Variants in MPZL1 observed in about 807,000 individuals in gnomAD.
MPZL1 encodes the protein myelin protein zero-like protein 1.
A neutral mutation model predicts 29.3 loss-of-function variants in MPZL1; 16 were observed. The ratio of observed to expected loss-of-function variants is 0.55; its 90% CI spans 0.37 to 0.83. The LOEUF is 0.83. Ranked by LOEUF, MPZL1 falls within the 40% of genes least tolerant of loss-of-function variation. The pLI is 0.00. For missense variants in MPZL1, 279 were observed against 332.9 expected (o/e 0.84, Z 1.26); for synonymous variants, 143 against 132.0 (o/e 1.08, Z -0.57).
intron 1 of MPZL1, among the ~76,000 whole-genome samples, chr1:167,753,223 T>C (rs1160920684): frequency 6.6e-6 from 1 of 152,130 alleles, no homozygotes; most frequent in African/African-American, 2.4e-5. Context: ...AGTATAGCCC[T>C]GAGGTAAGCT....
At chr1:167,731,895 G>GT (rs897055767) in intron 1 of MPZL1, among the ~76,000 whole-genome samples, 2 of 152,216 alleles carry the variant, frequency 1.3e-5, no homozygotes, top group African/African-American at 2.4e-5. Context: ...TAGGTCCACA[G>GT]TTTTTTTATC....
At chr1:167,783,540 T>C (rs1188458851) in intron 5 of MPZL1, among the ~76,000 whole-genome samples, 1 of 152,190 alleles carries the variant, frequency 6.6e-6, no homozygotes, top group African/African-American at 2.4e-5. Context: ...GTGCATAGCA[T>C]AGACAGGGTA....
intron 1 of MPZL1, among the ~76,000 whole-genome samples, chr1:167,739,266 CATATATACATATATACATATAT>C (rs1328708844): frequency 1.0e-5 from 1 of 97,176 alleles, no homozygotes; most frequent in Non-Finnish European, 1.9e-5. Context: ...CATACACATA[CATATATACATATATACATATAT>C]ATATATATAT....
intron 1 of MPZL1, among the ~76,000 whole-genome samples, chr1:167,739,274 CATATATACAT>C (rs1160856160): frequency 7.2e-5 from 6 of 83,286 alleles, no homozygotes; most frequent in Admixed American, 2.4e-4. Context: ...TACATATATA[CATATATACAT>C]ATATATATAT....
chr1:167,722,283 G>T, intron 1 of MPZL1, 41 bp downstream of exon 1: 2 of 1,233,546 alleles, frequency 1.6e-6, no homozygotes. Flanking sequence ...GGGGAGTGGG[G>T]CCCCCGGGCC....
intron 1 of MPZL1, among the ~76,000 whole-genome samples, chr1:167,732,615 G>A (rs1233486797): frequency 6.6e-6 from 1 of 152,008 alleles, no homozygotes; most frequent in Non-Finnish European, 1.5e-5. Context: ...CCAAACCCCA[G>A]CTCTTTTTAG....
At chr1:167,756,303 T>C (rs1660867285) in intron 1 of MPZL1, among the ~76,000 whole-genome samples, 1 of 152,074 alleles carries the variant, frequency 6.6e-6, no homozygotes. Context: ...TTTGAGCCAC[T>C]ATGCCCAGCT....
intron 1 of MPZL1, among the ~76,000 whole-genome samples, chr1:167,753,787 G>A (rs551021891): frequency 3.3e-5 from 5 of 152,000 alleles, no homozygotes; most frequent in Admixed American, 2.0e-4. Context: ...CCGCCATCAC[G>A]CCGGGCTAAT....
intron 1 of MPZL1, among the ~76,000 whole-genome samples, chr1:167,762,881 A>G (rs969603157): frequency 8.5e-5 from 13 of 152,160 alleles, no homozygotes; most frequent in African/African-American, 3.1e-4. Context: ...CAGGGATGGG[A>G]GGAAGTTAAT....
At chr1:167,728,124 C>G (rs1433454732) in intron 1 of MPZL1, among the ~76,000 whole-genome samples, 2 of 147,214 alleles carry the variant, frequency 1.4e-5, no homozygotes, top group Admixed American at 6.7e-5. Flanking sequence ...ATTGCAGCCT[C>G]TTCCTCCCAC....
In MPZL1 at chr1:167,772,418, C is replaced by T. The variant is rs762615176; in HGVS notation, c.402C>T (p.Ile134=). Reference sequence around the variant, plus strand: ...AGTTTATACACAATGGCACCTATATCTGTGATGTCAAAAACCCTCCTGACA... The same window carrying T: ...AGTTTATACACAATGGCACCTATATTTGTGATGTCAAAAACCCTCCTGACA... ...NMQFIHNGTY[I]CDVKNPPDIV... Residue 134 remains isoleucine, a synonymous_variant, in exon 3 of 6, where the codon ATC becomes ATT. Transcript: ENST00000359523. 1.2e-5 allele frequency: 20 copies of T among 1,614,132 alleles called. 1 individual carries two copies. The South Asian group carries it at 2.2e-4, about 18-fold the overall frequency.
At chr1:167,756,837 T>G (rs935694004) in intron 1 of MPZL1, among the ~76,000 whole-genome samples, 3 of 152,002 alleles carry the variant, frequency 2.0e-5, no homozygotes, top group African/African-American at 7.2e-5. Context: ...CCCTTTGCCC[T>G]CTTGGGGGTG....
chr1:167,781,418 G>T (rs1293425088), intron 5 of MPZL1, among the ~76,000 whole-genome samples: 4 of 151,898 alleles, frequency 2.6e-5, no homozygotes, highest in African/African-American at 9.7e-5. Context: ...TGGCCACAAT[G>T]GAATTAAACA....
At chr1:167,769,047 T>C (rs1661186150) in intron 2 of MPZL1, among the ~76,000 whole-genome samples, 1 of 152,204 alleles carries the variant, frequency 6.6e-6, no homozygotes, top group Admixed American at 6.5e-5. Flanking sequence ...AAATCAGAGC[T>C]GAGTTTGAAT....
intron 1 of MPZL1, among the ~76,000 whole-genome samples, chr1:167,759,808 A>G (rs987933412): frequency 3.9e-5 from 6 of 152,118 alleles, no homozygotes; most frequent in African/African-American, 1.4e-4. Context: ...TATCTGGGGT[A>G]CACTCACAAT....
chr1:167,770,057 G>A (rs1025834976), intron 2 of MPZL1, among the ~76,000 whole-genome samples: 1 of 152,210 alleles, frequency 6.6e-6, no homozygotes, highest in Non-Finnish European at 1.5e-5. Context: ...CAAGCTTGGG[G>A]GAGAGGGGCA....
At chr1:167,766,696 A>G (rs1661120927) in intron 2 of MPZL1, among the ~76,000 whole-genome samples, 1 of 152,218 alleles carries the variant, frequency 6.6e-6, no homozygotes, top group South Asian at 2.1e-4. Context: ...TGTTGGGCCC[A>G]TCATATGCCT....
At chr1:167,750,001 A>T (rs950194884) in intron 1 of MPZL1, among the ~76,000 whole-genome samples, 1 of 152,266 alleles carries the variant, frequency 6.6e-6, no homozygotes, top group African/African-American at 2.4e-5. Flanking sequence ...CCCAGAGGGC[A>T]CACTAAGTTA....
At chr1:167,767,571 T>C (rs1158423082) in intron 2 of MPZL1, among the ~76,000 whole-genome samples, 3 of 152,250 alleles carry the variant, frequency 2.0e-5, no homozygotes, top group Non-Finnish European at 4.4e-5. Context: ...AATCCCAGCA[T>C]GTTCAGTTAT....
Sources: gnomAD v4.1 joint callset for allele counts (sites outside exome capture counted in the v4.1 genomes callset) on GRCh38, gnomAD v4.1.1 for gene constraint, MANE v1.5 for transcripts, NCBI Gene and HGNC (gene_info 2026-07-23, HGNC 2026-07-21) for gene names.